Variants in RANBP17 observed in about 807,000 individuals in gnomAD.
RANBP17 encodes ran-binding protein 17.
Under a neutral mutation model 141.2 loss-of-function variants are expected in RANBP17, and 158 were observed. That is an observed-to-expected ratio of 1.12 (90% CI 0.98 to 1.28). RANBP17 has a LOEUF of 1.28. Among genes scored for constraint, RANBP17 ranks in the 50% most tolerant of loss-of-function variants. RANBP17 has a pLI of 0.00. For synonymous variants in RANBP17, 430 were observed against 450.0 expected, an observed-to-expected ratio of 0.96 and a Z score of 0.56; for missense variants, 1,438 against 1,290.7, an observed-to-expected ratio of 1.11 and a Z score of -1.75.
intron 14 of RANBP17, among the ~76,000 whole-genome samples, chr5:171,061,042 T>C (rs1186710212): frequency 6.6e-6 from 1 of 151,864 alleles, no homozygotes; most frequent in African/African-American, 2.4e-5. Context: ...TCTATTTGAT[T>C]CTTCTCTCTT....
At chr5:171,223,276 C>T (rs548548206) in intron 22 of RANBP17, among the ~76,000 whole-genome samples, 2 of 152,300 alleles carry the variant, frequency 1.3e-5, no homozygotes, top group African/African-American at 2.4e-5. Flanking sequence ...CTCTTATTTT[C>T]ATCTGTACCA....
At chr5:171,140,300 T>C (rs1408800042) in intron 14 of RANBP17, among the ~76,000 whole-genome samples, 1 of 152,248 alleles carries the variant, frequency 6.6e-6, no homozygotes, top group Non-Finnish European at 1.5e-5. Flanking sequence ...ATAGGGATCA[T>C]GTTTGATTTT....
chr5:170,991,466 C>T (rs1491000373), intron 14 of RANBP17, among the ~76,000 whole-genome samples: 2 of 151,902 alleles, frequency 1.3e-5, no homozygotes, highest in Non-Finnish European at 2.9e-5. Context: ...GAATTAGAGG[C>T]TATATATTCT....
chr5:171,213,520 A>G (rs1469133632), intron 20 of RANBP17, 111 bp from the exon 21 acceptor site: 2 of 755,730 alleles, frequency 2.6e-6, no homozygotes, highest in Non-Finnish European at 4.5e-6. Flanking sequence ...AAATTAGTAT[A>G]AATATAGAAC....
intron 14 of RANBP17, among the ~76,000 whole-genome samples, chr5:171,074,692 C>T (rs1163322022): frequency 1.3e-5 from 2 of 152,172 alleles, no homozygotes; most frequent in East Asian, 1.9e-4. Flanking sequence ...AGCATCTCTT[C>T]GTTGATCATC....
intron 11 of RANBP17, among the ~76,000 whole-genome samples, chr5:170,922,147 T>C (rs10059246): frequency 0.64 from 97,641 of 151,866 alleles, 32,104 homozygotes; most frequent in South Asian, 0.9. Context: ...GTCTTGGTAT[T>C]AACAGCAGAG....
chr5:170,939,583 G>T (rs574200430), intron 12 of RANBP17, among the ~76,000 whole-genome samples: 3 of 151,770 alleles, frequency 2.0e-5, no homozygotes, highest in South Asian at 2.1e-4. Flanking sequence ...ACGGAGTTTC[G>T]CCATGTTGTC....
chr5:170,909,877 G>A (rs139000782), intron 6 of RANBP17, 112 bp downstream of exon 6: 4 of 654,026 alleles, frequency 6.1e-6, no homozygotes, highest in Admixed American at 2.6e-5. Context: ...AAGAATTATT[G>A]TGGACAGACT....
At chr5:171,025,533 C>G (rs1781174222) in intron 14 of RANBP17, among the ~76,000 whole-genome samples, 3 of 151,386 alleles carry the variant, frequency 2.0e-5, no homozygotes, top group African/African-American at 7.3e-5. Context: ...TCACTCCCTC[C>G]TCTTAGGTTC....
At chr5:171,221,898 G>A in intron 22 of RANBP17, 58 bp downstream of exon 22, 1 of 1,018,510 alleles carries the variant, frequency 9.8e-7, no homozygotes, top group Admixed American at 2.2e-5. Flanking sequence ...TTAGAGGAAA[G>A]AAAGATGTTA....
intron 14 of RANBP17, among the ~76,000 whole-genome samples, chr5:170,974,398 C>A (rs1777213605): frequency 6.6e-6 from 1 of 152,158 alleles, no homozygotes; most frequent in African/African-American, 2.4e-5. Flanking sequence ...GAATAATCTT[C>A]TTTGACTTAA....
chr5:170,919,873 A>G (rs928159142), intron 11 of RANBP17, among the ~76,000 whole-genome samples: 2 of 151,058 alleles, frequency 1.3e-5, no homozygotes, highest in Non-Finnish European at 2.9e-5. Context: ...GTGTACCTGT[A>G]ATTTTTTTTT....
intron 3 of RANBP17, among the ~76,000 whole-genome samples, chr5:170,887,806 G>A (rs911171191): frequency 1.3e-5 from 2 of 152,140 alleles, no homozygotes; most frequent in Admixed American, 6.5e-5. Flanking sequence ...CCGTCTTGGT[G>A]CATTATCCCA....
intron 25 of RANBP17, among the ~76,000 whole-genome samples, chr5:171,292,779 C>T (rs1768571818): frequency 6.6e-6 from 1 of 152,222 alleles, no homozygotes; most frequent in African/African-American, 2.4e-5. Context: ...AGCCTCATCC[C>T]TGGTCTTTCT....
chr5:171,167,697 T>C (rs542422634), intron 14 of RANBP17, among the ~76,000 whole-genome samples: 1 of 152,260 alleles, frequency 6.6e-6, no homozygotes, highest in African/African-American at 2.4e-5. Context: ...ACACAGTCTC[T>C]GGCCCTGGAA....
intron 14 of RANBP17, among the ~76,000 whole-genome samples, chr5:171,045,949 T>C (rs2075124854): frequency 1.3e-5 from 2 of 152,228 alleles, no homozygotes; most frequent in South Asian, 2.1e-4. Flanking sequence ...CAGAATGTTA[T>C]GTAAATGGAA....
chr5:170,866,677 C>G (rs1034874251), intron 1 of RANBP17, among the ~76,000 whole-genome samples: 1 of 122,794 alleles, frequency 8.1e-6, no homozygotes, highest in Non-Finnish European at 1.8e-5. Flanking sequence ...TCCATCTCAA[C>G]AAAAAAAAAA....
At chr5:170,948,260 A>G (rs987609691) in intron 12 of RANBP17, among the ~76,000 whole-genome samples, 9 of 152,208 alleles carry the variant, frequency 5.9e-5, no homozygotes, top group African/African-American at 2.2e-4. Flanking sequence ...GATGATAATG[A>G]TTGACCATAT....
At position 170,989,978 on chromosome 5, in the gene RANBP17, G is replaced by GT. The variant is rs530945074; in HGVS notation, c.1710+21607dup. Among the ~76,000 whole-genome samples, 8 of 151,680 alleles carry GT rather than the reference G, an allele frequency of 5.3e-5. No individual in the cohort carries two copies. The South Asian group carries it at 1.5e-3, about 28-fold the overall frequency. On this transcript the variant is annotated intron_variant, in intron 14 of 27. Transcript: ENST00000523189. ...TAAAACAATGAGCATGTATTTTCTT[G>GT]TTTTTTATATTTTCACATTTTCCCT...
Sources: allele counts gnomAD v4.1 joint callset (sites outside exome capture counted in the v4.1 genomes callset), GRCh38; gene constraint gnomAD v4.1.1; transcripts MANE v1.5; gene names NCBI Gene and HGNC (gene_info 2026-07-23, HGNC 2026-07-21).